The following PRKCQ variants were observed in gnomAD, a reference collection of about 807,000 sequenced individuals.
PRKCQ encodes protein kinase C theta, also known as protein kinase C theta type.
In PRKCQ, 41 loss-of-function variants were observed where a neutral mutation model predicts 91.2. The ratio of observed to expected loss-of-function variants is 0.45; its 90% CI spans 0.35 to 0.58. The LOEUF (loss-of-function observed/expected upper bound fraction) is 0.58. Ranked by LOEUF, PRKCQ falls within the 20% of genes least tolerant of loss-of-function variation. The probability of loss-of-function intolerance (pLI) is 0.00; values close to 1 mark genes in which losing one functional copy is unlikely to be tolerated. For missense variants in PRKCQ, 673 were observed against 896.5 expected (o/e 0.75, Z 3.18); for synonymous variants, 307 against 316.9 (o/e 0.97, Z 0.33).
At chr10:6,428,851 G>C (rs2132220244) in intron 17 of PRKCQ, among the ~76,000 whole-genome samples, 1 of 152,262 alleles carries the variant, frequency 6.6e-6, no homozygotes, top group African/African-American at 2.4e-5. Context: ...TCAGTCCCCT[G>C]CCCTTGTTAA....
At chr10:6,505,220 G>A (rs1375214820) in intron 4 of PRKCQ, among the ~76,000 whole-genome samples, 1 of 151,980 alleles carries the variant, frequency 6.6e-6, no homozygotes, top group Non-Finnish European at 1.5e-5. Context: ...CATTTCCTAG[G>A]CTTATGTCAT....
chr10:6,411,053 C>G, the PRKCQ span, among the ~76,000 whole-genome samples: 2 of 151,052 alleles, frequency 1.3e-5, no homozygotes, highest in Non-Finnish European at 2.9e-5. Flanking sequence ...ACGATTAGAG[C>G]TAGCACGCTG....
chr10:6,422,369 G>T (rs998891671), downstream of PRKCQ, among the ~76,000 whole-genome samples: 2 of 152,118 alleles, frequency 1.3e-5, no homozygotes, highest in Non-Finnish European at 2.9e-5. Context: ...TAAGTGACTT[G>T]TCCAAGGTTA....
intron 1 of PRKCQ, among the ~76,000 whole-genome samples, chr10:6,574,283 G>A (rs1039153869): frequency 6.6e-6 from 1 of 152,200 alleles, no homozygotes; most frequent in Non-Finnish European, 1.5e-5. Flanking sequence ...TCTCTGAAAC[G>A]CTGGAGAGAA....
chr10:6,521,092 G>C (rs890510454), intron 1 of PRKCQ, among the ~76,000 whole-genome samples: 9 of 152,194 alleles, frequency 5.9e-5, no homozygotes, highest in African/African-American at 2.2e-4. Flanking sequence ...CAGCGCCCAT[G>C]CTGCTGTATT....
intron 1 of PRKCQ, among the ~76,000 whole-genome samples, chr10:6,569,096 G>T (rs1458778457): frequency 6.6e-6 from 1 of 152,132 alleles, no homozygotes; most frequent in African/African-American, 2.4e-5. Context: ...ACAGTACCTT[G>T]GGCATTACAG....
chr10:6,410,531 G>A, the PRKCQ span, among the ~76,000 whole-genome samples: 1 of 152,156 alleles, frequency 6.6e-6, no homozygotes, highest in Non-Finnish European at 1.5e-5. Flanking sequence ...ACATCACCCA[G>A]GGCTCTAAGT....
chr10:6,536,433 C>G (rs1839584455), intron 1 of PRKCQ, among the ~76,000 whole-genome samples: 2 of 152,102 alleles, frequency 1.3e-5, no homozygotes, highest in African/African-American at 4.8e-5. Context: ...ACTTGGGAGC[C>G]CTATGACAGC....
intron 15 of PRKCQ, among the ~76,000 whole-genome samples, chr10:6,453,963 C>A (rs1443870478): frequency 2.0e-5 from 3 of 151,922 alleles, no homozygotes; most frequent in Non-Finnish European, 4.4e-5. Context: ...GGAGATATAC[C>A]TAATGCTAAA....
At chr10:6,477,044 C>A (rs1836304270) in intron 12 of PRKCQ, among the ~76,000 whole-genome samples, 1 of 152,202 alleles carries the variant, frequency 6.6e-6, no homozygotes, top group Non-Finnish European at 1.5e-5. Context: ...CTGCTCCCTG[C>A]AGCAGGAAGC....
chr10:6,424,623 C>T (rs377593335), downstream of PRKCQ, among the ~76,000 whole-genome samples: 35 of 152,274 alleles, frequency 2.3e-4, no homozygotes, highest in African/African-American at 7.7e-4. Context: ...TTGATGGGTC[C>T]ATTGGAGACA....
chr10:6,453,385 A>G (rs1411868739), intron 15 of PRKCQ, among the ~76,000 whole-genome samples: 1 of 152,330 alleles, frequency 6.6e-6, no homozygotes. Context: ...ATCTCACACC[A>G]GTTAGAATGG....
In PRKCQ at chr10:6,496,968, C is replaced by T. The variant is rs189486186; in HGVS notation, c.660+67G>A. On this transcript the variant is annotated intron_variant, in intron 7 of 17. Transcript: ENST00000263125. ...AGTTCTGGCATTATTCTGAAGAATT[C>T]GTGGGCTGTAACATTTAACGTTCTG... The T allele has an allele frequency of 3.5e-4, 492 of 1,394,050 alleles. 5 individuals are homozygous for T. The Admixed American group carries it at 8.0e-3, about 23-fold the overall frequency. The allele number at this position is 1,394,050 out of a possible 1,614,324, so 86.4% of individuals were successfully genotyped here. A position where few individuals can be genotyped will look rare whatever the true frequency, so the allele number is the denominator to read the frequency against.
At chr10:6,409,084 T>C in the PRKCQ span, among the ~76,000 whole-genome samples, 1,560 of 152,300 alleles carry the variant, frequency 0.01, 24 homozygotes, top group African/African-American at 0.036. Context: ...TGGTTTTTCA[T>C]TTTCACAGTG....
At chr10:6,470,784 C>T (rs1422304072) in intron 12 of PRKCQ, among the ~76,000 whole-genome samples, 1 of 152,016 alleles carries the variant, frequency 6.6e-6, no homozygotes, top group Admixed American at 6.6e-5. Flanking sequence ...AATCCCATCT[C>T]TACCAAAAAT....
intron 4 of PRKCQ, among the ~76,000 whole-genome samples, chr10:6,501,082 CATTGT>C (rs1051104253): frequency 6.6e-6 from 1 of 152,034 alleles, no homozygotes; most frequent in African/African-American, 2.4e-5. Flanking sequence ...AAGTTTTCAG[CATTGT>C]ATGATAGAGA....
chr10:6,530,540 C>T (rs934437782), intron 1 of PRKCQ, among the ~76,000 whole-genome samples: 33 of 152,342 alleles, frequency 2.2e-4, no homozygotes, highest in African/African-American at 7.2e-4. Flanking sequence ...TGGGCTATCA[C>T]AGTCACAGGG....
intron 15 of PRKCQ, among the ~76,000 whole-genome samples, chr10:6,454,731 G>A (rs1187128047): frequency 1.3e-5 from 2 of 152,102 alleles, no homozygotes; most frequent in African/African-American, 4.8e-5. Context: ...TGGACGTAGT[G>A]TCTGCAGCAG....
intron 15 of PRKCQ, among the ~76,000 whole-genome samples, chr10:6,445,315 G>A (rs111235860): frequency 9.2e-5 from 14 of 152,030 alleles, no homozygotes; most frequent in Non-Finnish European, 1.6e-4. Flanking sequence ...CAGGGGTGCT[G>A]TGAAGTCTCT....
Sources: allele counts gnomAD v4.1 joint callset (sites outside exome capture counted in the v4.1 genomes callset), GRCh38; gene constraint gnomAD v4.1.1; transcripts MANE v1.5; gene names NCBI Gene and HGNC (gene_info 2026-07-23, HGNC 2026-07-21).